OSBPL3: variants seen among roughly 807,000 people sequenced by gnomAD.
OSBPL3 encodes oxysterol binding protein like 3.
In OSBPL3, 65 loss-of-function variants were observed where a neutral mutation model predicts 120.1. The observed-to-expected ratio is 0.54, with a 90% CI of 0.44 to 0.67. The LOEUF is 0.67. OSBPL3 is among the 30% of genes least tolerant of loss of function. The pLI is 0.00. For missense variants in OSBPL3, 1,004 were observed against 1,082.1 expected, an observed-to-expected ratio of 0.93 and a Z score of 1.01; for synonymous variants, 416 against 402.6, an observed-to-expected ratio of 1.03 and a Z score of -0.40.
chr7:24,817,406 G>T lies in OSBPL3; in HGVS notation c.1949-718C>A, dbSNP rs1044474977. Among the ~76,000 whole-genome samples, 2 of 152,100 alleles carry T rather than the reference G, an allele frequency of 1.3e-5. No individual in the cohort carries two copies. Among genetic ancestry groups the T allele is most frequent in the African/African-American group, 4.8e-5 (2 of 41,426 alleles). On this transcript the variant is annotated intron_variant, in intron 17 of 22. Transcript: ENST00000313367. This position sits in a 1 kb window ranked among gnomAD's most constrained non-coding sequence, Gnocchi z 4.0. Reference sequence around the variant, plus strand: ...GTGGTGGGTGCCTGTAGTCCCAGCTGCTCAGGAGGCTGAGGCAGGAACCCA... The same window carrying T: ...GTGGTGGGTGCCTGTAGTCCCAGCTTCTCAGGAGGCTGAGGCAGGAACCCA...
At chr7:24,910,206 A>T (rs1037971411) in intron 1 of OSBPL3, among the ~76,000 whole-genome samples, 2 of 152,058 alleles carry the variant, frequency 1.3e-5, no homozygotes, top group African/African-American at 2.4e-5. Flanking sequence ...TCTTCAAATC[A>T]TTTTCACCTT....
In OSBPL3 at chr7:24,806,052, GT is replaced by G. The variant is rs1170909065; in HGVS notation, c.2444+723del. 1.3e-5 allele frequency among the ~76,000 whole-genome samples: 2 copies of G among 152,200 alleles called. No individual in the cohort carries two copies. Among genetic ancestry groups the G allele is most frequent in the Non-Finnish European group, 2.9e-5 (2 of 68,032 alleles). On this transcript the variant is annotated intron_variant, in intron 21 of 22. Coordinates refer to ENST00000313367, the MANE Select transcript of OSBPL3 (RefSeq NM_015550.4). The surrounding 1 kb of genome is among the most constrained non-coding windows in gnomAD (Gnocchi z 5.2). Reference sequence around the variant, plus strand: ...GCTCACTGCAACCTCCTCCTCTTGGGTTCAAGCAATTCTCGTGCCTCAGCCT... The same window carrying G: ...GCTCACTGCAACCTCCTCCTCTTGGGTCAAGCAATTCTCGTGCCTCAGCCT...
chr7:24,915,876 A>G (rs1384685991), intron 1 of OSBPL3, among the ~76,000 whole-genome samples: 2 of 152,198 alleles, frequency 1.3e-5, no homozygotes, highest in African/African-American at 2.4e-5. Flanking sequence ...TGCCCAGCCC[A>G]TTAAATTTTT....
In OSBPL3 at chr7:24,830,976, C is replaced by A. The variant is rs1796299236; in HGVS notation, c.1747-71G>T. 1 of 1,405,790 alleles carries A rather than the reference C, an allele frequency of 7.1e-7. No homozygotes were observed. The highest frequency in any genetic ancestry group is 2.5e-5 in the East Asian group (1 of 40,250). The allele number at this position is 1,405,790 out of a possible 1,614,324, so 87.1% of individuals were successfully genotyped here. On this transcript the variant is annotated intron_variant, in intron 15 of 22. Coordinates refer to ENST00000313367, the MANE Select transcript of OSBPL3 (RefSeq NM_015550.4). The surrounding 1 kb of genome is among the most constrained non-coding windows in gnomAD (Gnocchi z 4.4). The stretch of plus-strand genomic sequence containing the variant: ...GCTTTATTGTTCACAAAGAACTAAA[C>A]AAAATAAAACCTCTATGATTTTCTT...
rs1328058844 is a variant in OSBPL3, at chr7:24,804,973, G to C, written c.2445-536C>G. ...AATATCCAGTTGCGTGGATGTATATGAATTTAGACAATTTCCTATGGATAG... is the reference window on the plus strand; with the variant it reads ...AATATCCAGTTGCGTGGATGTATATCAATTTAGACAATTTCCTATGGATAG... On this transcript the variant is annotated intron_variant, in intron 21 of 22. Transcript: ENST00000313367. This position sits in a 1 kb window ranked among gnomAD's most constrained non-coding sequence, Gnocchi z 5.4. Among the ~76,000 whole-genome samples the C allele has an allele frequency of 2.0e-5, 3 of 152,144 alleles. No individual in the cohort carries two copies. The highest frequency in any genetic ancestry group is 7.2e-5 in the African/African-American group (3 of 41,422).
rs1796252465 is a variant in OSBPL3 at position 24,830,651 on chromosome 7, G to T, written c.1884+117C>A. 9.7e-7 allele frequency: 1 copy of T among 1,033,176 alleles called. No homozygotes were observed. Among genetic ancestry groups the T allele is most frequent in the Non-Finnish European group, 1.4e-6 (1 of 708,240 alleles). 64.0% of individuals were successfully genotyped at this position (1,033,176 alleles called of 1,614,324 possible). A position where few individuals can be genotyped will look rare whatever the true frequency, so the allele number is the denominator to read the frequency against. On this transcript the variant is annotated intron_variant, in intron 16 of 22. Transcript: ENST00000313367. The surrounding 1 kb of genome is among the most constrained non-coding windows in gnomAD (Gnocchi z 4.4). ...CCCTCCCTTTATGTTGAAAAGCACT[G>T]TAATTATCTCGGCTGCTTTGAAGCC...
At chr7:24,847,621 C>T (rs1424141327) in intron 12 of OSBPL3, among the ~76,000 whole-genome samples, 1 of 152,058 alleles carries the variant, frequency 6.6e-6, no homozygotes, top group Non-Finnish European at 1.5e-5. Context: ...GTAGACATGC[C>T]AAGCATAAAT....
In OSBPL3 at chr7:24,852,617, A is replaced by T; in HGVS notation, c.1045T>A (p.Ser349Thr). Reference sequence around the variant, plus strand: ...TCCGCTGACATGATATTAAAAGCTGACCTTAAAGTGAAGTAAACTATAGAG... The same window carrying T: ...TCCGCTGACATGATATTAAAAGCTGTCCTTAAAGTGAAGTAAACTATAGAG... ...IAHKVYFTLR[S>T]AFNIMSAERE... Residue 349 changes from serine (S) to threonine (T), a missense_variant, in exon 11 of 23, where the codon TCA (serine) becomes ACA (threonine). This residue lies in a region of OSBPL3 where 272 missense variants were observed against 248.8 expected (regional missense o/e 1.09). Coordinates refer to ENST00000313367, the MANE Select transcript of OSBPL3 (RefSeq NM_015550.4). This position sits in a 1 kb window ranked among gnomAD's most constrained non-coding sequence, Gnocchi z 4.1. 1 of 1,596,402 alleles carries T rather than the reference A, an allele frequency of 6.3e-7. No homozygotes were observed. The highest frequency in any genetic ancestry group is 1.1e-5 in the South Asian group (1 of 87,658).
intron 1 of OSBPL3, among the ~76,000 whole-genome samples, chr7:24,958,865 G>T (rs1815385860): frequency 6.6e-6 from 1 of 151,978 alleles, no homozygotes; most frequent in Non-Finnish European, 1.5e-5. Context: ...TTGTTCTTTG[G>T]CCTAGACATC....
chr7:24,951,923 C>CT (rs980357258), intron 1 of OSBPL3, among the ~76,000 whole-genome samples: 5 of 152,134 alleles, frequency 3.3e-5, no homozygotes, highest in South Asian at 2.1e-4. Flanking sequence ...CAAATGTTTT[C>CT]TTTTTTTTAA....
At chr7:24,958,530 G>A (rs1407880259) in intron 1 of OSBPL3, among the ~76,000 whole-genome samples, 1 of 152,060 alleles carries the variant, frequency 6.6e-6, no homozygotes, top group Admixed American at 6.6e-5. Flanking sequence ...AAGTTCAAAG[G>A]CATTTCAATG....
At chr7:24,926,423 A>T (rs980177187) in intron 1 of OSBPL3, among the ~76,000 whole-genome samples, 7 of 152,176 alleles carry the variant, frequency 4.6e-5, no homozygotes, top group African/African-American at 7.2e-5. Context: ...ACATTTTTTT[A>T]AAAAAAGCTT....
In OSBPL3 at chr7:24,830,316, T is replaced by C. The variant is rs1796214265; in HGVS notation, c.1884+452A>G. ...ATACGTTCTAGAAATAATTTATTGA[T>C]GTGAATGAATAAATACATGAATGAA... On this transcript the variant is annotated intron_variant, in intron 16 of 22. Coordinates refer to ENST00000313367, the MANE Select transcript of OSBPL3 (RefSeq NM_015550.4). The surrounding 1 kb of genome is among the most constrained non-coding windows in gnomAD (Gnocchi z 4.4). Among the ~76,000 whole-genome samples the C allele has an allele frequency of 6.6e-6, 1 of 152,096 alleles. No individual in the cohort carries two copies. The highest frequency in any genetic ancestry group is 2.4e-5 in the African/African-American group (1 of 41,384).
Position 24,892,370 on chromosome 7 carries a change from A to T in OSBPL3, c.96+7T>A. The T allele has an allele frequency of 1.2e-6, 2 of 1,612,722 alleles. No homozygotes were observed. The highest frequency in any genetic ancestry group is 1.7e-6 in the Non-Finnish European group (2 of 1,178,936). On this transcript the variant is annotated splice_region_variant and intron_variant, in intron 2 of 22. Transcript: ENST00000313367. Reference sequence around the variant, plus strand: ...GCATATTAAAATTTGCATGAGTTAAACTTTACCTGTCGACTTCCTTGCTTG... The same window carrying T: ...GCATATTAAAATTTGCATGAGTTAATCTTTACCTGTCGACTTCCTTGCTTG...
chr7:24,801,898 C>T (rs543352299), intron 22 of OSBPL3, among the ~76,000 whole-genome samples: 2 of 152,268 alleles, frequency 1.3e-5, no homozygotes, highest in Admixed American at 6.5e-5. Flanking sequence ...CCACAATTTA[C>T]TTAATAGGTA....
At chr7:24,956,443 C>G (rs983657856) in intron 1 of OSBPL3, among the ~76,000 whole-genome samples, 4 of 152,214 alleles carry the variant, frequency 2.6e-5, no homozygotes, top group African/African-American at 4.8e-5. Flanking sequence ...GGCTTTATGT[C>G]CCACCTGCCC....
rs1326559741 is a variant in OSBPL3, at chr7:24,824,202, CT to C, written c.1885-3965del. ...AGTATTTATATGGTAACACATGTAT[CT>C]ATCTTTCTTTCTACAAGCCCCAATA... On this transcript the variant is annotated intron_variant, in intron 16 of 22. Transcript: ENST00000313367. The surrounding 1 kb of genome is among the most constrained non-coding windows in gnomAD (Gnocchi z 4.9). Among the ~76,000 whole-genome samples the C allele has an allele frequency of 6.6e-6, 1 of 152,136 alleles. No homozygotes were observed. Among genetic ancestry groups the C allele is most frequent in the Non-Finnish European group, 1.5e-5 (1 of 68,030 alleles).
At position 24,967,945 on chromosome 7, in the gene OSBPL3, T is replaced by C. The variant is rs533715630; in HGVS notation, c.-150+11941A>G. 1.4e-4 allele frequency among the ~76,000 whole-genome samples: 21 copies of C among 152,338 alleles called. No homozygotes were observed. Among genetic ancestry groups the C allele is most frequent in the African/African-American group, 4.6e-4 (19 of 41,580 alleles). On this transcript the variant is annotated intron_variant, in intron 1 of 22. Transcript: ENST00000313367. The surrounding 1 kb of genome is among the most constrained non-coding windows in gnomAD (Gnocchi z 5.6). ...TCTCTAAGATCTACTCATCTTCCTA[T>C]TTTCCCCAGCAGTAGTCAATGGCAC...
rs1292206413 is a variant in OSBPL3, at chr7:24,813,431, C to T, written c.2172+1628G>A. 6.6e-6 allele frequency among the ~76,000 whole-genome samples: 1 copy of T among 152,170 alleles called. No individual in the cohort carries two copies. Among genetic ancestry groups the T allele is most frequent in the Non-Finnish European group, 1.5e-5 (1 of 68,024 alleles). ...TAGATATGGGAGTGGAGCATGTTTCCTTGCAGAAAATGTTGAGAGCAACGT... is the reference window on the plus strand; with the variant it reads ...TAGATATGGGAGTGGAGCATGTTTCTTTGCAGAAAATGTTGAGAGCAACGT... On this transcript the variant is annotated intron_variant, in intron 19 of 22. Transcript: ENST00000313367. The surrounding 1 kb of genome is among the most constrained non-coding windows in gnomAD (Gnocchi z 4.5).
Sources: allele counts gnomAD v4.1 joint callset (sites outside exome capture counted in the v4.1 genomes callset), GRCh38; gene constraint gnomAD v4.1.1; regional missense constraint gnomAD v4.1.1; non-coding constraint Gnocchi (gnomAD v3.1); transcripts MANE v1.5; gene names NCBI Gene and HGNC (gene_info 2026-07-23, HGNC 2026-07-21).